SPARCL1: variants seen among roughly 807,000 people sequenced by gnomAD.
The protein encoded by SPARCL1 is SPARC like 1.
In SPARCL1, 52 loss-of-function variants were observed where a neutral mutation model predicts 67.1. The ratio of observed to expected loss-of-function variants is 0.78; its 90% CI spans 0.62 to 0.98. The LOEUF is 0.98. Among genes scored for constraint, SPARCL1 ranks in the 50% least tolerant of loss-of-function variants. The pLI, the probability that SPARCL1 is intolerant of heterozygous loss-of-function variation, is 0.00. For missense variants in SPARCL1, 717 were observed against 782.4 expected, an observed-to-expected ratio of 0.92 and a Z score of 1.00; for synonymous variants, 226 against 267.8, an observed-to-expected ratio of 0.84 and a Z score of 1.52.
chr4:87,506,841 C>G (rs545806703), intron 1 of SPARCL1, among the ~76,000 whole-genome samples: 1 of 152,110 alleles, frequency 6.6e-6, no homozygotes, highest in Admixed American at 6.6e-5. Context: ...ACCTACCTAC[C>G]TACCTATCTC....
chr4:87,481,054 C>G (rs919068638), intron 8 of SPARCL1, among the ~76,000 whole-genome samples: 4 of 152,256 alleles, frequency 2.6e-5, no homozygotes, highest in African/African-American at 7.2e-5. Flanking sequence ...CTCTCTGTGA[C>G]AAGGTATTCA....
At position 87,495,080 on chromosome 4, in the gene SPARCL1, C is replaced by G; in HGVS notation, c.102G>C (p.Thr34=). 2 of 1,611,514 alleles carry G rather than the reference C, an allele frequency of 1.2e-6. No individual in the cohort carries two copies. Among genetic ancestry groups the G allele is most frequent in the Non-Finnish European group, 1.7e-6 (2 of 1,179,518 alleles). The change falls in exon 3 of 11, where the codon ACG becomes ACC. Residue 34 remains threonine (T), a synonymous_variant. Coordinates refer to ENST00000282470, the MANE Select transcript of SPARCL1 (RefSeq NM_004684.6). The stretch of plus-strand genomic sequence containing the variant: ...GGATTGCAGTGTTGTCAGGTGCTAC[C>G]GTTTCAGCAGTTGGTTTGGAATGAT... ...LSDHSKPTAE[T]VAPDNTAIPS...
In SPARCL1 at chr4:87,494,047, A is replaced by G; in HGVS notation, c.753T>C (p.Thr251=). The G allele has an allele frequency of 6.2e-7, 1 of 1,613,864 alleles. No individual in the cohort carries two copies. The highest frequency in any genetic ancestry group is 8.5e-7 in the Non-Finnish European group (1 of 1,179,988). Residue 251 remains threonine (T), a synonymous_variant, in exon 4 of 11, where the codon ACT becomes ACC. Coordinates refer to ENST00000282470, the MANE Select transcript of SPARCL1 (RefSeq NM_004684.6). ...DDILEESDQP[T]QVSKMQEDEF... ...CATCCTCCTGCATCTTGCTTACTTG[A>G]GTTGGTTGATCAGACTCTTCCAAAA...
chr4:87,519,630 AT>A (rs1560455045), intron 1 of SPARCL1, among the ~76,000 whole-genome samples: 2 of 151,928 alleles, frequency 1.3e-5, no homozygotes, highest in African/African-American at 2.4e-5. Context: ...AAATTTGCAA[AT>A]TTTTTTCCCT....
intron 1 of SPARCL1, chr4:87,528,267 T>G (rs1726134807): frequency 6.6e-6 from 1 of 152,200 alleles, no homozygotes; most frequent in Non-Finnish European, 1.5e-5. Flanking sequence ...CCTACATTAT[T>G]GCTTTATTTT....
chr4:87,499,430 C>A (rs1724756193), intron 2 of SPARCL1, 91 bp downstream of exon 2: 2 of 1,016,868 alleles, frequency 2.0e-6, no homozygotes, highest in African/African-American at 1.6e-5. Flanking sequence ...GAATTTCAAA[C>A]CATTATATAA....
chr4:87,522,774 T>C (rs983811418), intron 1 of SPARCL1, among the ~76,000 whole-genome samples: 3 of 152,082 alleles, frequency 2.0e-5, no homozygotes, highest in African/African-American at 7.2e-5. Flanking sequence ...ATATACTCTC[T>C]TGGAACAAAG....
intron 2 of SPARCL1, 56 bp from the exon 3 acceptor site, chr4:87,495,183 T>C: frequency 6.8e-7 from 1 of 1,472,338 alleles, no homozygotes. Flanking sequence ...AATTTACAAA[T>C]TTGCTAGTTA....
rs1354611057 is a variant in SPARCL1, at chr4:87,495,040, C to T, written c.142G>A (p.Glu48Lys). 6.2e-7 allele frequency: 1 copy of T among 1,613,100 alleles called. No individual in the cohort carries two copies. Among genetic ancestry groups the T allele is most frequent in the Non-Finnish European group, 8.5e-7 (1 of 1,179,598 alleles). Residue 48 changes from glutamate (E) to lysine (K), a missense_variant, in exon 3 of 11, where the codon GAA (glutamate) becomes AAA (lysine). Coordinates refer to ENST00000282470, the MANE Select transcript of SPARCL1 (RefSeq NM_004684.6). ...DNTAIPSLRAEAEENEKETAV... is the reference protein window; with the variant it reads ...DNTAIPSLRAKAEENEKETAV... ...GTTTCTTTTTCATTTTCTTCAGCTT[C>T]AGCCCTTAAACTGGGGATTGCAGTG...
At chr4:87,526,762 G>C (rs948941026) in intron 1 of SPARCL1, among the ~76,000 whole-genome samples, 2 of 152,196 alleles carry the variant, frequency 1.3e-5, no homozygotes, top group African/African-American at 4.8e-5. Context: ...TCTAGAGTCA[G>C]TTCCCGTTCT....
At chr4:87,518,512 A>T (rs1323981412) in intron 1 of SPARCL1, among the ~76,000 whole-genome samples, 5 of 152,224 alleles carry the variant, frequency 3.3e-5, no homozygotes, top group Admixed American at 1.3e-4. Flanking sequence ...CTGTAAGAAG[A>T]CATCAGCTGT....
At position 87,506,132 on chromosome 4, in the gene SPARCL1, G is replaced by T. The variant is rs189974557; in HGVS notation, c.-11-6547C>A. Among the ~76,000 whole-genome samples, 9 of 152,246 alleles carry T rather than the reference G, an allele frequency of 5.9e-5. No individual in the cohort carries two copies. The East Asian group carries it at 1.7e-3, about 29-fold the overall frequency. On this transcript the variant is annotated intron_variant, in intron 1 of 10. Transcript: ENST00000282470. ...GACATTGCCAAATGTTCCATGGGGG[G>T]CAAAATCGCCCTGATTGAGAACCAT... is the stretch of plus-strand genomic sequence containing the variant.
At chr4:87,519,766 G>T (rs1025277062) in intron 1 of SPARCL1, among the ~76,000 whole-genome samples, 1 of 152,240 alleles carries the variant, frequency 6.6e-6, no homozygotes, top group African/African-American at 2.4e-5. Context: ...TTATAGACTT[G>T]TGTCAAGTAC....
At chr4:87,480,555 C>T in intron 8 of SPARCL1, 35 bp from the exon 9 acceptor site, 1 of 1,585,870 alleles carries the variant, frequency 6.3e-7, no homozygotes, top group South Asian at 1.2e-5. Flanking sequence ...GTCAGAGAAT[C>T]AGACAAATGT....
In SPARCL1 at chr4:87,493,834, C is replaced by T. The variant is rs1458135261; in HGVS notation, c.966G>A (p.Met322Ile). 1 of 1,614,050 alleles carries T rather than the reference C, an allele frequency of 6.2e-7. No individual in the cohort carries two copies. Among genetic ancestry groups the T allele is most frequent in the African/African-American group, 1.3e-5 (1 of 74,920 alleles). ...TGGTATTACCATCATCAGTAGGTTCCATGAGCAGAGCCTCAGAAACAGTCT... is the reference window on the plus strand; with the variant it reads ...TGGTATTACCATCATCAGTAGGTTCTATGAGCAGAGCCTCAGAAACAGTCT... ...EEKTVSEALL[M>I]EPTDDGNTTP... is the part of the protein sequence containing the mutation. The change falls in exon 4 of 11, where the codon ATG becomes ATA. Residue 322 changes from methionine to isoleucine, a missense_variant. Coordinates refer to ENST00000282470, the MANE Select transcript of SPARCL1 (RefSeq NM_004684.6).
intron 1 of SPARCL1, among the ~76,000 whole-genome samples, chr4:87,519,967 C>T (rs762723643): frequency 2.0e-4 from 30 of 152,030 alleles, no homozygotes; most frequent in Admixed American, 3.3e-4. Flanking sequence ...AGGCCAGGCA[C>T]GGTGGCTCAC....
intron 4 of SPARCL1, among the ~76,000 whole-genome samples, chr4:87,493,000 T>C (rs1211177993): frequency 6.6e-6 from 1 of 152,222 alleles, no homozygotes; most frequent in African/African-American, 2.4e-5. Flanking sequence ...TCGAAAACAA[T>C]ATGGCATCTG....
In SPARCL1 at chr4:87,490,847, GC is replaced by G; in HGVS notation, c.1322del (p.Gly441AlafsTer20). On this transcript the variant is annotated frameshift_variant, in exon 6 of 11. Coordinates refer to ENST00000282470, the MANE Select transcript of SPARCL1 (RefSeq NM_004684.6). LOFTEE classifies it high-confidence loss of function. The part of the protein sequence containing the change: ...DSCMSFQCKR[G>X]HICKADQQGK... ...CCTGTTGGTCTGCCTTACAGATGTG[GC>G]CTCTTTTACACTGGAAGCTCATGCA... 6.2e-7 allele frequency: 1 copy of G among 1,609,920 alleles called. No individual in the cohort carries two copies. The highest frequency in any genetic ancestry group is 1.1e-5 in the South Asian group (1 of 90,120).
intron 1 of SPARCL1, among the ~76,000 whole-genome samples, chr4:87,504,185 T>TG (rs1553970330): frequency 2.6e-4 from 5 of 19,060 alleles, no homozygotes; most frequent in Non-Finnish European, 4.3e-4. Flanking sequence ...GTGTGTGTGG[T>TG]GGGGTGGGGG....
Sources: allele counts gnomAD v4.1 joint callset (sites outside exome capture counted in the v4.1 genomes callset), GRCh38; gene constraint gnomAD v4.1.1; transcripts MANE v1.5; gene names NCBI Gene and HGNC (gene_info 2026-07-23, HGNC 2026-07-21).